Variants in KCNMB2 observed in about 807,000 individuals in gnomAD.
KCNMB2 encodes potassium calcium-activated channel subfamily M regulatory beta subunit 2.
Under a neutral mutation model 24.5 loss-of-function variants are expected in KCNMB2, and 9 were observed. The ratio of observed to expected loss-of-function variants is 0.37; its 90% confidence interval spans 0.22 to 0.64. KCNMB2 has a LOEUF of 0.64. KCNMB2 is among the 30% of genes least tolerant of loss of function. The probability of loss-of-function intolerance (pLI) is 0.63; values close to 1 mark genes in which losing one functional copy is unlikely to be tolerated. For missense variants in KCNMB2, 226 were observed against 284.3 expected (o/e 0.79, Z 1.47); for synonymous variants, 109 against 104.4 (o/e 1.04, Z -0.27).
At chr3:178,804,631 G>C (rs1008981304) in intron 1 of KCNMB2, among the ~76,000 whole-genome samples, 1 of 152,134 alleles carries the variant, frequency 6.6e-6, no homozygotes, top group African/African-American at 2.4e-5. Flanking sequence ...ATGACACACA[G>C]TCTGAAAAAT....
intron 1 of KCNMB2, among the ~76,000 whole-genome samples, chr3:178,743,417 A>G (rs1297552954): frequency 6.6e-6 from 1 of 152,220 alleles, no homozygotes; most frequent in East Asian, 1.9e-4. Flanking sequence ...ACAGAGGCTC[A>G]GAGATACTCA....
chr3:178,677,970 T>C (rs1478390545), intron 1 of KCNMB2, among the ~76,000 whole-genome samples: 1 of 152,190 alleles, frequency 6.6e-6, no homozygotes, highest in African/African-American at 2.4e-5. Context: ...GCATTATAAT[T>C]AGCCTGTATA....
At chr3:178,628,826 A>G (rs545060707) in intron 1 of KCNMB2, among the ~76,000 whole-genome samples, 1 of 152,286 alleles carries the variant, frequency 6.6e-6, no homozygotes, top group African/African-American at 2.4e-5. Flanking sequence ...TGCTCTGGAG[A>G]GAATACTTCC....
chr3:178,770,458 C>A (rs1467148815), intron 1 of KCNMB2, among the ~76,000 whole-genome samples: 1 of 152,166 alleles, frequency 6.6e-6, no homozygotes, highest in African/African-American at 2.4e-5. Context: ...AAGATGAGGA[C>A]CAAGTGCGGT....
At chr3:178,804,984 A>G (rs1713908649) in intron 1 of KCNMB2, among the ~76,000 whole-genome samples, 1 of 152,234 alleles carries the variant, frequency 6.6e-6, no homozygotes, top group African/African-American at 2.4e-5. Context: ...TCTATTTGAT[A>G]TTTTAGAGAT....
chr3:178,571,092 T>A (rs952089726), intron 1 of KCNMB2, among the ~76,000 whole-genome samples: 24 of 152,206 alleles, frequency 1.6e-4, no homozygotes, highest in Non-Finnish European at 3.1e-4. Context: ...ACTATAAACT[T>A]TTAAAACACT....
intron 1 of KCNMB2, among the ~76,000 whole-genome samples, chr3:178,685,155 A>G (rs1721420970): frequency 6.6e-6 from 1 of 152,200 alleles, no homozygotes; most frequent in African/African-American, 2.4e-5. Flanking sequence ...TTACAAGGTA[A>G]AAACTGATCT....
At chr3:178,541,945 G>A (rs147090091) in intron 1 of KCNMB2, among the ~76,000 whole-genome samples, 107 of 152,020 alleles carry the variant, frequency 7.0e-4, no homozygotes, top group African/African-American at 2.1e-3. Flanking sequence ...GCTCTGCTCC[G>A]ACTCCAGCCA....
At chr3:178,691,963 G>T (rs1386379892) in intron 1 of KCNMB2, among the ~76,000 whole-genome samples, 1 of 152,086 alleles carries the variant, frequency 6.6e-6, no homozygotes, top group Admixed American at 6.6e-5. Context: ...GGGTGAGATG[G>T]TATCTCATTG....
At chr3:178,819,761 A>C (rs1714554321) in intron 2 of KCNMB2, among the ~76,000 whole-genome samples, 1 of 152,242 alleles carries the variant, frequency 6.6e-6, no homozygotes, top group Non-Finnish European at 1.5e-5. Context: ...TGCCACAAGA[A>C]TTTCAATAAT....
Position 178,631,919 on chromosome 3 carries a change from C to T in KCNMB2, c.-68+95208C>T, listed in dbSNP as rs142644750. ...AGCTATTCTAGCCACAGCTTCACAT[C>T]ATGCATGGTTTCCAGCCTTACTAGA... On this transcript the variant is annotated intron_variant, in intron 1 of 4. Coordinates refer to ENST00000452583, the MANE Select transcript of KCNMB2 (RefSeq NM_181361.3). Among the ~76,000 whole-genome samples, 828 of 152,324 alleles carry T rather than the reference C, an allele frequency of 5.4e-3. 3 individuals carry two copies. The highest frequency in any genetic ancestry group is 0.019 in the African/African-American group (777 of 41,566).
At chr3:178,617,463 C>G (rs1173952616) in intron 1 of KCNMB2, among the ~76,000 whole-genome samples, 1 of 151,836 alleles carries the variant, frequency 6.6e-6, no homozygotes, top group Non-Finnish European at 1.5e-5. Context: ...GAGGCTGAGG[C>G]AGGAGAATCG....
At chr3:178,626,807 G>C (rs994187746) in intron 1 of KCNMB2, among the ~76,000 whole-genome samples, 1 of 150,630 alleles carries the variant, frequency 6.6e-6, no homozygotes, top group African/African-American at 2.4e-5. Flanking sequence ...ACTAAAACTT[G>C]TTAACTTAAC....
At chr3:178,756,121 A>G (rs1724027742) in intron 1 of KCNMB2, among the ~76,000 whole-genome samples, 1 of 152,202 alleles carries the variant, frequency 6.6e-6, no homozygotes. Flanking sequence ...ATGTTAAAAT[A>G]GAAAAAAAGC....
chr3:178,553,980 A>G (rs1716042452), intron 1 of KCNMB2, among the ~76,000 whole-genome samples: 1 of 152,252 alleles, frequency 6.6e-6, no homozygotes. Flanking sequence ...AGATTGTTTT[A>G]ACAAAAACTA....
chr3:178,724,521 G>T (rs545659450), intron 1 of KCNMB2, among the ~76,000 whole-genome samples: 51 of 152,114 alleles, frequency 3.4e-4, no homozygotes, highest in Admixed American at 2.6e-4. Flanking sequence ...AGTCCCATTT[G>T]TCTATTTTTT....
At chr3:178,567,585 A>G (rs1227262703) in intron 1 of KCNMB2, among the ~76,000 whole-genome samples, 2 of 152,156 alleles carry the variant, frequency 1.3e-5, no homozygotes, top group Non-Finnish European at 2.9e-5. Context: ...TTACAATAGC[A>G]AAGAGTTACA....
rs1043669736 is a variant in KCNMB2, at chr3:178,828,369, A to C, written c.419A>C (p.Gln140Pro). 6.2e-7 allele frequency: 1 copy of C among 1,612,230 alleles called. No homozygotes were observed. The highest frequency in any genetic ancestry group is 2.2e-5 in the East Asian group (1 of 44,824). The change falls in exon 4 of 5, where the codon CAG (glutamine) becomes CCG (proline). Residue 140 changes from glutamine to proline, a missense_variant. Coordinates refer to ENST00000452583, the MANE Select transcript of KCNMB2 (RefSeq NM_181361.3). ...YHTEETIKIN[Q>P]KCSYIPKCGK... ...ACAGAAGAGACAATAAAAATCAATC[A>C]GAAGGTAGGAACTTGGCGTACTGCA... is the stretch of plus-strand genomic sequence containing the variant.
intron 1 of KCNMB2, among the ~76,000 whole-genome samples, chr3:178,569,764 C>G (rs1716703574): frequency 6.6e-6 from 1 of 152,182 alleles, no homozygotes; most frequent in African/African-American, 2.4e-5. Flanking sequence ...CTTCAACCTT[C>G]TGAAAGAGTT....
Sources: allele counts gnomAD v4.1 joint callset (sites outside exome capture counted in the v4.1 genomes callset), GRCh38; gene constraint gnomAD v4.1.1; transcripts MANE v1.5; gene names NCBI Gene and HGNC (gene_info 2026-07-23, HGNC 2026-07-21).